The following CKB variants were observed in gnomAD, a reference collection of about 807,000 sequenced individuals.
CKB encodes the protein creatine kinase B, also known as creatine kinase B-type.
Under a neutral mutation model 36.9 loss-of-function variants are expected in CKB, and 15 were observed. The observed-to-expected ratio is 0.41, with a 90% CI of 0.27 to 0.63. CKB has a LOEUF of 0.63. Ranked by LOEUF, CKB falls within the 20% of genes least tolerant of loss-of-function variation. CKB has a pLI of 0.34. For synonymous variants in CKB, 250 were observed against 228.2 expected, an observed-to-expected ratio of 1.10 and a Z score of -0.86; for missense variants, 413 against 534.9, an observed-to-expected ratio of 0.77 and a Z score of 2.25.
rs1274562513 is a variant in CKB, at chr14:103,522,101, G to A, written c.270C>T (p.Asp90=). ...CGCCGTGCCGGTCCTCGATGATGGG[G>A]TCGAAGAGATCCTTGAACACTTCGT... ...ESYEVFKDLF[D]PIIEDRHGGY... is the part of the protein sequence containing the mutation. The change falls in exon 3 of 8, where the codon GAC becomes GAT. Residue 90 remains aspartate (D), a synonymous_variant. Coordinates refer to ENST00000348956, the MANE Select transcript of CKB (RefSeq NM_001823.5). The surrounding 1 kb of genome is among the most constrained non-coding windows in gnomAD (Gnocchi z 6.7). 6.3e-7 allele frequency: 1 copy of A among 1,583,734 alleles called. No individual in the cohort carries two copies. Among genetic ancestry groups the A allele is most frequent in the Non-Finnish European group, 8.6e-7 (1 of 1,165,612 alleles).
Position 103,522,230 on chromosome 14 carries a change from G to A in CKB, c.194-53C>T, listed in dbSNP as rs751048418. On this transcript the variant is annotated intron_variant, in intron 2 of 7. Coordinates refer to ENST00000348956, the MANE Select transcript of CKB (RefSeq NM_001823.5). This position sits in a 1 kb window ranked among gnomAD's most constrained non-coding sequence, Gnocchi z 6.7. ...AGTGACGTCACTGCCGGGCCCGAGC[G>A]CGCTGCTGAGGACCCTGCGGCTGCG... 7 of 1,577,074 alleles carry A rather than the reference G, an allele frequency of 4.4e-6. No individual in the cohort carries two copies. The highest frequency in any genetic ancestry group is 6.0e-6 in the Non-Finnish European group (7 of 1,163,768).
chr14:103,519,788 T>G lies in CKB; in HGVS notation c.*76A>C, dbSNP rs548969095. 1.9e-5 allele frequency: 28 copies of G among 1,500,458 alleles called. No individual in the cohort carries two copies. In the African/African-American group the frequency reaches 3.9e-4, roughly 21 times the overall value. 92.9% of individuals were successfully genotyped at this position (1,500,458 alleles called of 1,614,324 possible). A position where few individuals can be genotyped will look rare whatever the true frequency, so the allele number is the denominator to read the frequency against. On this transcript the variant is annotated 3_prime_UTR_variant, in exon 8 of 8. Coordinates refer to ENST00000348956, the MANE Select transcript of CKB (RefSeq NM_001823.5). ...CTAAGGGCTCGCCAGACGGCGAACA[T>G]CAGGGGTGCATGGTGGGCACTGCCC...
In CKB at chr14:103,520,318, A is replaced by T. The variant is rs1318285983; in HGVS notation, c.778-7T>A. 6.2e-7 allele frequency: 1 copy of T among 1,601,386 alleles called. No homozygotes were observed. The highest frequency in any genetic ancestry group is 1.3e-5 in the African/African-American group (1 of 74,708). Reference sequence around the variant, plus strand: ...ACTTGAAGAGAGTTTCAATCTGCAGACGGAGAAGAGGGTATGAGGGAGAAG... The same window carrying T: ...ACTTGAAGAGAGTTTCAATCTGCAGTCGGAGAAGAGGGTATGAGGGAGAAG... On this transcript the variant is annotated splice_polypyrimidine_tract_variant and splice_region_variant and intron_variant, in intron 6 of 7. Transcript: ENST00000348956.
rs1595994222 is a variant in CKB, at chr14:103,519,936, C to T, written c.1074G>A (p.Lys358=). 1 of 1,610,160 alleles carries T rather than the reference C, an allele frequency of 6.2e-7. No individual in the cohort carries two copies. Among genetic ancestry groups the T allele is most frequent in the Middle Eastern group, 1.6e-4 (1 of 6,062 alleles). The part of the protein sequence containing the change: ...ELVQMVVDGV[K]LLIEMEQRLE... The stretch of plus-strand genomic sequence containing the variant: ...GCCGCTGCTCCATCTCGATGAGCAG[C>T]TTCACTCCGTCCACCACCATCTGCA... Residue 358 remains lysine, a synonymous_variant, in exon 8 of 8, where the codon AAG becomes AAA. Transcript: ENST00000348956.
At position 103,521,894 on chromosome 14, in the gene CKB, G is replaced by A. The variant is rs1197861971; in HGVS notation, c.405C>T (p.Arg135=). The stretch of plus-strand genomic sequence containing the variant: ...GGGGGAGGCAGAAGCCACGGATGCT[G>A]CGGCCCGTGCGCACCCGCGAGCTCA... ...YVLSSRVRTG[R]SIRGFCLPPH... is the part of the protein sequence containing the mutation. Residue 135 remains arginine, a synonymous_variant, in exon 4 of 8, where the codon CGC becomes CGT. Coordinates refer to ENST00000348956, the MANE Select transcript of CKB (RefSeq NM_001823.5). 6.4e-7 allele frequency: 1 copy of A among 1,572,390 alleles called. No homozygotes were observed.
Position 103,520,492 on chromosome 14 carries a change from G to T in CKB, c.754C>A (p.Arg252Ser). 1.2e-6 allele frequency: 2 copies of T among 1,605,254 alleles called. No individual in the cohort carries two copies. The highest frequency in any genetic ancestry group is 2.2e-5 in the East Asian group (1 of 44,522). ...KGGNMKEVFT[R>S]FCTGLTQIET... ...ACCTGGGTGAGGCCGGTGCAGAAGC[G>T]GGTGAACACCTCCTTCATGTTGCCC... Residue 252 changes from arginine to serine, a missense_variant, in exon 6 of 8, where the codon CGC (arginine) becomes AGC (serine). Around this residue, in one of 3 missense-constraint regions of CKB, gnomAD observed 314 missense variants for 409.4 expected, o/e 0.77. Coordinates refer to ENST00000348956, the MANE Select transcript of CKB (RefSeq NM_001823.5).
At chr14:103,521,978 C>G in intron 3 of CKB, 28 bp from the exon 4 acceptor site, 3 of 1,552,904 alleles carry the variant, frequency 1.9e-6, no homozygotes, top group Non-Finnish European at 2.6e-6. Flanking sequence ...AGTGAGCGCC[C>G]GAAGACCCCG....
At chr14:103,521,782 C>A in intron 4 of CKB, 36 bp downstream of exon 4, 1 of 1,353,950 alleles carries the variant, frequency 7.4e-7, no homozygotes, top group Non-Finnish European at 9.4e-7. Flanking sequence ...GAGGGGGACG[C>A]GGCCGCCGCC....
rs1178366814 is a variant in CKB, at chr14:103,522,360, T to C, written c.134A>G (p.Lys45Arg). 1.9e-6 allele frequency: 3 copies of C among 1,611,310 alleles called. No homozygotes were observed. The highest frequency in any genetic ancestry group is 3.3e-5 in the Admixed American group (2 of 59,918). Residue 45 changes from lysine to arginine, a missense_variant, in exon 2 of 8, where the codon AAG (lysine) becomes AGG (arginine). Lys to Arg is a conservative substitution (Grantham distance 26). This residue lies in a region of CKB where 74 missense variants were observed against 70.6 expected (regional missense o/e 1.05). Coordinates refer to ENST00000348956, the MANE Select transcript of CKB (RefSeq NM_001823.5). The surrounding 1 kb of genome is among the most constrained non-coding windows in gnomAD (Gnocchi z 6.7). The part of the protein sequence containing the change: ...TPELYAELRA[K>R]STPSGFTLDD... ...CAGCGTGAAGCCGCTCGGCGTGCTC[T>C]TGGCGCGCAGCTCCGCGTACAGCTC...
At chr14:103,520,977 G>A (rs2075895987) in intron 5 of CKB, 3 of 577,570 alleles carry the variant, frequency 5.2e-6, no homozygotes, top group East Asian at 6.2e-5. Context: ...TCGGGGAGAG[G>A]CGCCAGAGAG....
intron 5 of CKB, 161 bp downstream of exon 5, chr14:103,521,102 G>T (rs1270703165): frequency 3.3e-6 from 3 of 897,282 alleles, no homozygotes; most frequent in Non-Finnish European, 5.3e-6. Context: ...GGCGCAGGAG[G>T]AGGCGCGGCA....
In CKB at chr14:103,521,325, G is replaced by A. The variant is rs766619543; in HGVS notation, c.591C>T (p.Pro197=). ...LIDDHFLFDK[P]VSPLLLASGM... is the part of the protein sequence containing the mutation. The stretch of plus-strand genomic sequence containing the variant: ...CCGAGGCCAGCAGCAGGGGCGACAC[G>A]GGCTTGTCGAAGAGGAAGTGGTCGT... Residue 197 remains proline (P), a synonymous_variant, in exon 5 of 8, where the codon CCC becomes CCT. Transcript: ENST00000348956. 2.5e-6 allele frequency: 4 copies of A among 1,608,956 alleles called. No homozygotes were observed. The highest frequency in any genetic ancestry group is 1.1e-5 in the South Asian group (1 of 90,670).
chr14:103,521,787 G>A lies in CKB; in HGVS notation c.481+31C>T, dbSNP rs754719808. ...ACCGCGCCGGGAGGGGGACGCGGCC[G>A]CCGCCGCCCCTCGGCCCGCCCGGCC... On this transcript the variant is annotated intron_variant, in intron 4 of 7. Transcript: ENST00000348956. The A allele has an allele frequency of 2.1e-5, 28 of 1,356,688 alleles. No individual in the cohort carries two copies. In the African/African-American group the frequency reaches 3.7e-4, roughly 18 times the overall value. The allele number at this position is 1,356,688 out of a possible 1,614,324, so 84.0% of individuals were successfully genotyped here. A position where few individuals can be genotyped will look rare whatever the true frequency, so the allele number is the denominator to read the frequency against.
At chr14:103,521,714 G>A (rs2075902483) in intron 4 of CKB, 104 bp downstream of exon 4, 3 of 1,236,160 alleles carry the variant, frequency 2.4e-6, no homozygotes, top group Non-Finnish European at 3.1e-6. Context: ...AGATAAGAGC[G>A]CGACGGCGGC....
At position 103,519,932 on chromosome 14, in the gene CKB, G is replaced by T; in HGVS notation, c.1078C>A (p.Leu360Ile). Residue 360 changes from leucine (L) to isoleucine (I), a missense_variant, in exon 8 of 8, where the codon CTC (leucine) becomes ATC (isoleucine). Transcript: ENST00000348956. ...TCCAGCCGCTGCTCCATCTCGATGA[G>T]CAGCTTCACTCCGTCCACCACCATC... is the stretch of plus-strand genomic sequence containing the variant. ...VQMVVDGVKL[L>I]IEMEQRLEQG... The T allele has an allele frequency of 6.2e-7, 1 of 1,609,924 alleles. No individual in the cohort carries two copies. Among genetic ancestry groups the T allele is most frequent in the Non-Finnish European group, 8.5e-7 (1 of 1,179,964 alleles).
At chr14:103,521,157 T>C (rs994376078) in intron 5 of CKB, 106 bp downstream of exon 5, 1 of 1,360,316 alleles carries the variant, frequency 7.4e-7, no homozygotes. Flanking sequence ...CTCCTCCTCC[T>C]CCTCCTCCTC....
Position 103,520,186 on chromosome 14 carries a change from G to A in CKB, c.903C>T (p.Asn301=), listed in dbSNP as rs1431284008. The change falls in exon 7 of 8, where the codon AAC becomes AAT. Residue 301 remains asparagine (N), a synonymous_variant. Coordinates refer to ENST00000348956, the MANE Select transcript of CKB (RefSeq NM_001823.5). ...CCGAGAACTTCTCATGCTTGCCCAGGTTGGGCAGCTTGATATGCACACCTG... is the reference window on the plus strand; with the variant it reads ...CCGAGAACTTCTCATGCTTGCCCAGATTGGGCAGCTTGATATGCACACCTG... ...LRAGVHIKLP[N]LGKHEKFSEV... is the part of the protein sequence containing the mutation. The A allele has an allele frequency of 6.2e-7, 1 of 1,613,038 alleles. No individual in the cohort carries two copies. Among genetic ancestry groups the A allele is most frequent in the South Asian group, 1.1e-5 (1 of 91,072 alleles).
intron 5 of CKB, 153 bp downstream of exon 5, chr14:103,521,110 G>T: frequency 1.0e-6 from 1 of 958,498 alleles, no homozygotes; most frequent in Non-Finnish European, 1.6e-6. Context: ...AGGAGGCGCG[G>T]CACGGAACCC....
At chr14:103,520,082 C>G (rs2075889452) in intron 7 of CKB, 40 bp from the exon 8 acceptor site, 1 of 1,604,780 alleles carries the variant, frequency 6.2e-7, no homozygotes, top group African/African-American at 1.3e-5. Flanking sequence ...AACAGGGCTG[C>G]CCAAAGGCCA....
Sources: allele counts gnomAD v4.1 joint callset, GRCh38; gene constraint gnomAD v4.1.1; regional missense constraint gnomAD v4.1.1; non-coding constraint Gnocchi (gnomAD v3.1); transcripts MANE v1.5; gene names NCBI Gene and HGNC (gene_info 2026-07-23, HGNC 2026-07-21).